Variants in HTR4 observed in about 807,000 individuals in gnomAD.
HTR4 encodes the protein 5-hydroxytryptamine receptor 4.
Under a neutral mutation model 36.8 loss-of-function variants are expected in HTR4, and 16 were observed. That is an observed-to-expected ratio of 0.43 (90% CI 0.29 to 0.66). HTR4 has a LOEUF of 0.66. Among genes scored for constraint, HTR4 ranks in the 30% least tolerant of loss-of-function variants. HTR4 has a pLI of 0.13. For synonymous variants in HTR4, 189 were observed against 185.1 expected (o/e 1.02, Z -0.17); for missense variants, 438 against 490.9 (o/e 0.89, Z 1.02).
intron 1 of HTR4, chr5:148,645,793 T>G (rs1163852171): frequency 6.6e-6 from 1 of 152,244 alleles, no homozygotes; most frequent in African/African-American, 2.4e-5. Flanking sequence ...GGTAGATATT[T>G]CCTACTCTGC....
rs563568168 is a variant in HTR4, at chr5:148,597,533, C to T, written c.26+39456G>A. On this transcript the variant is annotated intron_variant, in intron 2 of 6. Coordinates refer to ENST00000377888, the MANE Select transcript of HTR4 (RefSeq NM_000870.7). ...ACTCCTTACCTCTTACCACTGTGCC[C>T]TTTACTGTCTGTGTTCCAGCCATAT... 1.1e-4 allele frequency among the ~76,000 whole-genome samples: 17 copies of T among 152,264 alleles called. No individual in the cohort carries two copies. In the South Asian group the frequency reaches 3.3e-3, roughly 30 times the overall value.
chr5:148,490,459 C>T, intron 6 of HTR4: 1 of 502,016 alleles, frequency 2.0e-6, no homozygotes, highest in Non-Finnish European at 2.6e-6. Flanking sequence ...TCTCCAGCTT[C>T]AACCAAACAA....
chr5:148,535,787 G>A (rs1185652404), intron 4 of HTR4, among the ~76,000 whole-genome samples: 3 of 152,122 alleles, frequency 2.0e-5, no homozygotes, highest in Non-Finnish European at 4.4e-5. Context: ...GGGATGGGGA[G>A]AAAGCAAACA....
intron 5 of HTR4, among the ~76,000 whole-genome samples, chr5:148,460,304 T>A (rs1755241406): frequency 1.3e-5 from 2 of 152,066 alleles, no homozygotes; most frequent in Non-Finnish European, 2.9e-5. Flanking sequence ...GCTCAGAGAA[T>A]ACCAAGCAGG....
intron 5 of HTR4, among the ~76,000 whole-genome samples, chr5:148,511,571 G>T (rs1757498006): frequency 6.7e-6 from 1 of 148,548 alleles, no homozygotes; most frequent in African/African-American, 2.5e-5. Context: ...GTCATTTTTG[G>T]GTTTGTGCTA....
chr5:148,505,503 G>T (rs1178463363), intron 6 of HTR4, among the ~76,000 whole-genome samples: 1 of 152,130 alleles, frequency 6.6e-6, no homozygotes. Flanking sequence ...ATTCAACATA[G>T]TGTTGGAAGT....
intron 2 of HTR4, among the ~76,000 whole-genome samples, chr5:148,560,217 A>G (rs1760143813): frequency 6.6e-6 from 1 of 151,278 alleles, no homozygotes; most frequent in Non-Finnish European, 1.5e-5. Flanking sequence ...AAAAAAAAAA[A>G]AAAAAAAAGA....
At chr5:148,555,712 T>C (rs1759916867) in intron 2 of HTR4, among the ~76,000 whole-genome samples, 1 of 152,190 alleles carries the variant, frequency 6.6e-6, no homozygotes. Context: ...TCTTCTTTTT[T>C]GCTTTCTCCG....
intron 6 of HTR4, among the ~76,000 whole-genome samples, chr5:148,503,266 G>C (rs960486829): frequency 7.9e-5 from 12 of 152,294 alleles, no homozygotes; most frequent in African/African-American, 2.6e-4. Flanking sequence ...CCCACAAAGG[G>C]AAGCCCATCA....
At chr5:148,598,020 A>G (rs1761847514) in intron 2 of HTR4, among the ~76,000 whole-genome samples, 2 of 152,240 alleles carry the variant, frequency 1.3e-5, no homozygotes, top group Admixed American at 6.5e-5. Context: ...AAGGGAGGCA[A>G]AATACCTTCA....
intron 4 of HTR4, among the ~76,000 whole-genome samples, chr5:148,540,873 A>G (rs1317799243): frequency 6.6e-6 from 1 of 152,150 alleles, no homozygotes; most frequent in South Asian, 2.1e-4. Context: ...GCACTCAGCT[A>G]TGAGTCAGAA....
chr5:148,524,065 C>T (rs1478430693), intron 4 of HTR4, among the ~76,000 whole-genome samples: 1 of 151,936 alleles, frequency 6.6e-6, no homozygotes, highest in African/African-American at 2.4e-5. Context: ...GAATCAAACT[C>T]ACCTGAGGAA....
At chr5:148,619,391 A>G (rs1429259523) in intron 2 of HTR4, among the ~76,000 whole-genome samples, 1 of 152,220 alleles carries the variant, frequency 6.6e-6, no homozygotes, top group African/African-American at 2.4e-5. Flanking sequence ...TTATTAAATT[A>G]GATAAATATA....
intron 1 of HTR4, among the ~76,000 whole-genome samples, chr5:148,641,983 C>T (rs1002319331): frequency 2.6e-5 from 4 of 152,162 alleles, no homozygotes; most frequent in Non-Finnish European, 5.9e-5. Context: ...ATCTGCAAAC[C>T]TGGAGCTATG....
At chr5:148,491,601 A>G (rs985173713) in intron 6 of HTR4, among the ~76,000 whole-genome samples, 1 of 152,094 alleles carries the variant, frequency 6.6e-6, no homozygotes, top group Non-Finnish European at 1.5e-5. Flanking sequence ...ACTATATACC[A>G]ATAGTATTCC....
chr5:148,479,446 G>T (rs552882115), downstream of HTR4, among the ~76,000 whole-genome samples: 1 of 151,852 alleles, frequency 6.6e-6, no homozygotes, highest in Non-Finnish European at 1.5e-5. Flanking sequence ...GTTTTCAGAC[G>T]CATTTTTCCT....
intron 6 of HTR4, among the ~76,000 whole-genome samples, chr5:148,497,065 AT>A (rs1265987868): frequency 6.6e-6 from 1 of 152,166 alleles, no homozygotes; most frequent in African/African-American, 2.4e-5. Context: ...ACCTTTAGCA[AT>A]TTATCTGCTC....
intron 1 of HTR4, among the ~76,000 whole-genome samples, chr5:148,638,327 C>T (rs2127308636): frequency 6.6e-6 from 1 of 152,348 alleles, no homozygotes; most frequent in Admixed American, 6.5e-5. Flanking sequence ...CTGTCCACAT[C>T]TGTCTGTTTT....
chr5:148,506,576 G>A (rs1581396289), intron 6 of HTR4, among the ~76,000 whole-genome samples: 1 of 152,218 alleles, frequency 6.6e-6, no homozygotes, highest in East Asian at 1.9e-4. Flanking sequence ...TACCATCAGA[G>A]TGAACAGGCA....
Sources: allele counts gnomAD v4.1 joint callset (sites outside exome capture counted in the v4.1 genomes callset), GRCh38; gene constraint gnomAD v4.1.1; transcripts MANE v1.5; gene names NCBI Gene and HGNC (gene_info 2026-07-23, HGNC 2026-07-21).